The following SEZ6L variants were observed in gnomAD, a reference collection of about 807,000 sequenced individuals.
SEZ6L encodes seizure 6-like protein.
A neutral mutation model predicts 106.2 loss-of-function variants in SEZ6L; 37 were observed. The ratio of observed to expected loss-of-function variants is 0.35; its 90% CI spans 0.27 to 0.46. The LOEUF (loss-of-function observed/expected upper bound fraction) is 0.46, where lower values mean the gene tolerates loss of function less well. SEZ6L is among the 20% of genes least tolerant of loss of function. The pLI is 1.00. For synonymous variants in SEZ6L, 541 were observed against 570.4 expected, an observed-to-expected ratio of 0.95 and a Z score of 0.73; for missense variants, 1,172 against 1,332.8, an observed-to-expected ratio of 0.88 and a Z score of 1.88.
chr22:26,220,208 A>G (rs1021289864), intron 1 of SEZ6L, among the ~76,000 whole-genome samples: 19 of 152,340 alleles, frequency 1.2e-4, no homozygotes, highest in African/African-American at 4.6e-4. Context: ...TGCAAAATGG[A>G]CATCATCATA....
At position 26,304,214 on chromosome 22, in the gene SEZ6L, C is replaced by T. The variant is rs188181717; in HGVS notation, c.1349-1765C>T. ...TAAAAATACAAAAATTAGCTGGGCGCGGTGGTGGGCACCTGTAATCCCAGC... is the reference window on the plus strand; with the variant it reads ...TAAAAATACAAAAATTAGCTGGGCGTGGTGGTGGGCACCTGTAATCCCAGC... On this transcript the variant is annotated intron_variant, in intron 5 of 16. Coordinates refer to ENST00000248933, the MANE Select transcript of SEZ6L (RefSeq NM_021115.5). Among the ~76,000 whole-genome samples the T allele has an allele frequency of 4.0e-3, 613 of 151,492 alleles. 3 individuals carry two copies. Among genetic ancestry groups the T allele is most frequent in the African/African-American group, 0.014 (586 of 41,286 alleles).
intron 1 of SEZ6L, among the ~76,000 whole-genome samples, chr22:26,233,243 C>A (rs911186117): frequency 6.6e-6 from 1 of 152,242 alleles, no homozygotes; most frequent in Non-Finnish European, 1.5e-5. Flanking sequence ...GTGCTGCTTC[C>A]TCAGGGACAT....
chr22:26,357,096 T>C (rs537462670), intron 12 of SEZ6L, among the ~76,000 whole-genome samples: 4 of 151,902 alleles, frequency 2.6e-5, no homozygotes, highest in African/African-American at 7.3e-5. Context: ...GGACTACAGG[T>C]GCCCGCCACC....
chr22:26,260,774 A>G (rs1486549217), intron 1 of SEZ6L, among the ~76,000 whole-genome samples: 1 of 152,084 alleles, frequency 6.6e-6, no homozygotes, highest in Non-Finnish European at 1.5e-5. Context: ...ATCAAATGGT[A>G]GTTCTAGTTT....
intron 1 of SEZ6L, among the ~76,000 whole-genome samples, chr22:26,214,179 T>C (rs914278813): frequency 1.3e-5 from 2 of 152,336 alleles, no homozygotes; most frequent in Admixed American, 6.5e-5. Context: ...TACAGTCTAA[T>C]GGTTAAGAAA....
chr22:26,347,017 A>C (rs2083028881), intron 10 of SEZ6L, among the ~76,000 whole-genome samples: 1 of 150,996 alleles, frequency 6.6e-6, no homozygotes, highest in African/African-American at 2.4e-5. Context: ...AACATACAAG[A>C]GCTCATCTCT....
At chr22:26,355,227 C>T (rs931879041) in intron 12 of SEZ6L, among the ~76,000 whole-genome samples, 8 of 152,244 alleles carry the variant, frequency 5.3e-5, no homozygotes, top group Non-Finnish European at 1.0e-4. Flanking sequence ...CACTTAAAAG[C>T]AGGCAAAGAA....
chr22:26,348,948 G>A (rs1410916502), intron 11 of SEZ6L, among the ~76,000 whole-genome samples: 1 of 143,610 alleles, frequency 7.0e-6, no homozygotes, highest in African/African-American at 2.6e-5. Flanking sequence ...AGGGAGGGAA[G>A]GAAAAAGAGA....
intron 12 of SEZ6L, 99 bp from the exon 13 acceptor site, chr22:26,365,273 G>A: frequency 3.1e-6 from 3 of 964,176 alleles, no homozygotes; most frequent in African/African-American, 1.6e-5. Flanking sequence ...GAGAGAGGAT[G>A]CTGGAGAGGC....
At chr22:26,232,926 T>G (rs1016331086) in intron 1 of SEZ6L, among the ~76,000 whole-genome samples, 1 of 152,212 alleles carries the variant, frequency 6.6e-6, no homozygotes, top group Admixed American at 6.5e-5. Flanking sequence ...AGGTAAGCAC[T>G]TAGCCCAGGG....
intron 1 of SEZ6L, among the ~76,000 whole-genome samples, chr22:26,182,781 G>A (rs1195590546): frequency 6.6e-6 from 1 of 151,848 alleles, no homozygotes; most frequent in African/African-American, 2.4e-5. Flanking sequence ...TAAAATGGAA[G>A]TTCCAAGCAG....
intron 1 of SEZ6L, among the ~76,000 whole-genome samples, chr22:26,276,349 A>C (rs634373): frequency 0.3 from 45,231 of 152,144 alleles, 7,434 homozygotes; most frequent in Non-Finnish European, 0.37. Context: ...GGGCAAAGCC[A>C]GTGCTAGAAC....
At chr22:26,205,416 C>T (rs867223358) in intron 1 of SEZ6L, among the ~76,000 whole-genome samples, 1 of 152,222 alleles carries the variant, frequency 6.6e-6, no homozygotes, top group African/African-American at 2.4e-5. Context: ...TGTTTCAGCT[C>T]ACAACTGACC....
intron 1 of SEZ6L, among the ~76,000 whole-genome samples, chr22:26,268,231 C>G (rs925659791): frequency 6.6e-5 from 10 of 152,210 alleles, no homozygotes; most frequent in African/African-American, 2.4e-4. Flanking sequence ...TGTCCTCTGC[C>G]TGGGCCAGCT....
chr22:26,249,604 C>T (rs1389631160), intron 1 of SEZ6L, among the ~76,000 whole-genome samples: 1 of 152,070 alleles, frequency 6.6e-6, no homozygotes, highest in African/African-American at 2.4e-5. Context: ...CTGATTTCTT[C>T]TCTTGGCTAT....
intron 1 of SEZ6L, among the ~76,000 whole-genome samples, chr22:26,206,805 AAGTT>A (rs1941294657): frequency 6.6e-6 from 1 of 152,228 alleles, no homozygotes; most frequent in Admixed American, 6.5e-5. Context: ...TTATCAGAGA[AAGTT>A]AGATGAACTC....
Position 26,292,564 on chromosome 22 carries a change from C to A in SEZ6L, c.253C>A (p.Leu85Met). The change falls in exon 2 of 17, where the codon CTG becomes ATG. Residue 85 changes from leucine (L) to methionine (M), a missense_variant. Leu to Met is a conservative substitution (Grantham distance 15). Transcript: ENST00000248933. ...QSAEVLGELV[L>M]DGTAPSAHHD... ...GGCGGAAGTGCTGGGCGAGCTGGTG[C>A]TGGATGGGACCGCACCCTCTGCACA... 6.2e-7 allele frequency: 1 copy of A among 1,613,832 alleles called. No individual in the cohort carries two copies. The highest frequency in any genetic ancestry group is 8.5e-7 in the Non-Finnish European group (1 of 1,179,882).
rs560672222 is a variant in SEZ6L, at chr22:26,380,493, C to T, written c.*198C>T. ...GAAATAGGTGTGGGTTTGGATGTTT[C>T]GCGGCCTCAGCCAAATTCATGTTAC... On this transcript the variant is annotated 3_prime_UTR_variant, in exon 17 of 17. Coordinates refer to ENST00000248933, the MANE Select transcript of SEZ6L (RefSeq NM_021115.5). 8.6e-4 allele frequency: 390 copies of T among 454,930 alleles called. 14 individuals are homozygous for T. In the South Asian group the frequency reaches 0.02, roughly 23 times the overall value. The allele number at this position is 454,930 out of a possible 1,614,324, so 28.2% of individuals were successfully genotyped here. A position where few individuals can be genotyped will look rare whatever the true frequency, so the allele number is the denominator to read the frequency against.
rs1415683261 is a variant in SEZ6L, at chr22:26,279,516, CATGGA to C, written c.95-12887_95-12883del. On this transcript the variant is annotated intron_variant, in intron 1 of 16. Transcript: ENST00000248933. Reference sequence around the variant, plus strand: ...AATTCATCTCCAGTTAGAGGAAGAACATGGAATAGAGATCTGTCCATGTTCATCCT... The same window carrying C: ...AATTCATCTCCAGTTAGAGGAAGAACATAGAGATCTGTCCATGTTCATCCT... 5.9e-5 allele frequency among the ~76,000 whole-genome samples: 9 copies of C among 152,192 alleles called. No individual in the cohort carries two copies. In the South Asian group the frequency reaches 6.2e-4, roughly 11 times the overall value.
Sources: gnomAD v4.1 joint callset for allele counts (sites outside exome capture counted in the v4.1 genomes callset) on GRCh38, gnomAD v4.1.1 for gene constraint, MANE v1.5 for transcripts, NCBI Gene and HGNC (gene_info 2026-07-23, HGNC 2026-07-21) for gene names.